The following RIMS2 variants were observed in gnomAD, a reference collection of about 807,000 sequenced individuals.
RIMS2 encodes regulating synaptic membrane exocytosis protein 2.
Under a neutral mutation model 174.4 loss-of-function variants are expected in RIMS2, and 59 were observed. The ratio of observed to expected loss-of-function variants is 0.34; its 90% CI spans 0.27 to 0.42. The LOEUF is 0.42. RIMS2 is among the 10% of genes least tolerant of loss of function. The pLI is 1.00. For synonymous variants in RIMS2, 606 were observed against 572.5 expected (o/e 1.06, Z -0.84); for missense variants, 1,620 against 1,666.3 (o/e 0.97, Z 0.48).
intron 19 of RIMS2, chr8:104,148,646 A>G: frequency 2.5e-6 from 4 of 1,598,244 alleles, no homozygotes; most frequent in Non-Finnish European, 3.4e-6. Flanking sequence ...AAATGGGCAT[A>G]TCAGGGAAGA....
At chr8:104,086,911 C>T (rs976970131) in intron 19 of RIMS2, among the ~76,000 whole-genome samples, 8 of 152,202 alleles carry the variant, frequency 5.3e-5, no homozygotes, top group Non-Finnish European at 8.8e-5. Context: ...ATTCCTAAAC[C>T]CCACAACCAG....
rs141489879 is a variant in RIMS2, at chr8:103,753,670, T to C, written c.388-12557T>C. On this transcript the variant is annotated intron_variant, in intron 2 of 23. Coordinates refer to ENST00000504942, the Ensembl canonical transcript of RIMS2. ...GTTTAGTCTTGGGAGGGTGTATGTG[T>C]CCAGGAATTTATTCATTTCTTCTTG... Among the ~76,000 whole-genome samples the C allele has an allele frequency of 8.2e-3, 1,256 of 152,324 alleles. 20 individuals carry two copies. Among genetic ancestry groups the C allele is most frequent in the African/African-American group, 0.029 (1,203 of 41,578 alleles).
At chr8:104,049,288 G>T (rs1439171993) in intron 19 of RIMS2, among the ~76,000 whole-genome samples, 1 of 152,000 alleles carries the variant, frequency 6.6e-6, no homozygotes, top group Non-Finnish European at 1.5e-5. Context: ...CGGGGTGGGC[G>T]TGTGCCTGTA....
At chr8:103,712,223 A>G (rs980793567) in intron 2 of RIMS2, among the ~76,000 whole-genome samples, 3 of 151,336 alleles carry the variant, frequency 2.0e-5, no homozygotes, top group Non-Finnish European at 4.4e-5. Context: ...TTGCCCAGGA[A>G]ATAGTCCCGA....
chr8:103,755,847 A>T (rs1312602234), intron 2 of RIMS2, among the ~76,000 whole-genome samples: 2 of 152,122 alleles, frequency 1.3e-5, no homozygotes, highest in Middle Eastern at 3.2e-3. Context: ...CAAGGTTCTT[A>T]TCTTCCTTGC....
At chr8:103,814,267 G>A (rs1206541241) in intron 3 of RIMS2, among the ~76,000 whole-genome samples, 6 of 152,006 alleles carry the variant, frequency 3.9e-5, no homozygotes, top group Non-Finnish European at 7.4e-5. Flanking sequence ...GATAGGAGGA[G>A]GGAGAGGTAC....
intron 1 of RIMS2, among the ~76,000 whole-genome samples, chr8:103,612,173 AT>A (rs2095392240): frequency 6.6e-6 from 1 of 152,134 alleles, no homozygotes; most frequent in Admixed American, 6.5e-5. Flanking sequence ...ATCTGATAGA[AT>A]TTTGAATTCC....
chr8:103,926,586 A>G (rs1258792087), intron 10 of RIMS2, among the ~76,000 whole-genome samples: 1 of 151,586 alleles, frequency 6.6e-6, no homozygotes, highest in Non-Finnish European at 1.5e-5. Flanking sequence ...TTCAATGCCA[A>G]CTGAATTGAG....
chr8:103,687,353 A>G (rs1213584239), intron 1 of RIMS2, among the ~76,000 whole-genome samples: 1 of 150,016 alleles, frequency 6.7e-6, no homozygotes, highest in Admixed American at 6.6e-5. Flanking sequence ...CTCGAGGTTT[A>G]TCAATTTTAG....
At chr8:103,639,675 T>G (rs1425537382) in intron 1 of RIMS2, among the ~76,000 whole-genome samples, 1 of 151,972 alleles carries the variant, frequency 6.6e-6, no homozygotes, top group African/African-American at 2.4e-5. Context: ...TTAACCATAG[T>G]TTGTTTATTC....
chr8:104,017,503 AT>A (rs2095951293), intron 19 of RIMS2, among the ~76,000 whole-genome samples: 1 of 152,116 alleles, frequency 6.6e-6, no homozygotes, highest in South Asian at 2.1e-4. Context: ...ACTATAAGGC[AT>A]TATTATTATT....
intron 3 of RIMS2, among the ~76,000 whole-genome samples, chr8:103,789,496 C>G (rs1230646341): frequency 6.6e-6 from 1 of 152,088 alleles, no homozygotes; most frequent in Non-Finnish European, 1.5e-5. Context: ...GCAAAATCAC[C>G]TCACTTTGTC....
chr8:103,631,090 A>G (rs2095907515), intron 1 of RIMS2, among the ~76,000 whole-genome samples: 1 of 152,162 alleles, frequency 6.6e-6, no homozygotes, highest in South Asian at 2.1e-4. Context: ...CTCTGTTGAT[A>G]GTTTCTTTTG....
At chr8:103,749,173 G>A (rs1335663576) in intron 2 of RIMS2, among the ~76,000 whole-genome samples, 4 of 146,790 alleles carry the variant, frequency 2.7e-5, no homozygotes, top group South Asian at 2.2e-4. Context: ...GTGCAGTGGC[G>A]TGATCTCGGC....
chr8:103,633,484 TGGCCTGAAGTTTTC>T (rs1401130649), intron 1 of RIMS2, among the ~76,000 whole-genome samples: 23 of 152,330 alleles, frequency 1.5e-4, no homozygotes, highest in African/African-American at 5.1e-4. Flanking sequence ...TCAACAATTT[TGGCCTGAAGTTTTC>T]TTTTTCTCTT....
At chr8:103,622,090 T>C (rs1416730886) in intron 1 of RIMS2, among the ~76,000 whole-genome samples, 2 of 152,114 alleles carry the variant, frequency 1.3e-5, no homozygotes, top group Non-Finnish European at 2.9e-5. Context: ...TTTCTAACAA[T>C]ATAAAAATTA....
At chr8:104,088,975 T>C (rs535577305) in intron 19 of RIMS2, among the ~76,000 whole-genome samples, 2 of 152,120 alleles carry the variant, frequency 1.3e-5, no homozygotes, top group African/African-American at 4.8e-5. Context: ...TGGAACATCC[T>C]GAAGAATAAT....
At chr8:103,799,432 C>T (rs982265647) in intron 3 of RIMS2, among the ~76,000 whole-genome samples, 1 of 152,128 alleles carries the variant, frequency 6.6e-6, no homozygotes, top group Non-Finnish European at 1.5e-5. Flanking sequence ...CAGTGAACAT[C>T]CTTGTACATG....
In RIMS2 at chr8:104,007,799, A is replaced by G. The variant is rs534463276; in HGVS notation, c.3045-5643A>G. On this transcript the variant is annotated intron_variant, in intron 17 of 23. Coordinates refer to ENST00000504942, the Ensembl canonical transcript of RIMS2. Reference sequence around the variant, plus strand: ...GAGGCAGATAGTATTTATGCTTGAAAATGAGCACAAATTTTGTTCTGTTAG... The same window carrying G: ...GAGGCAGATAGTATTTATGCTTGAAGATGAGCACAAATTTTGTTCTGTTAG... Among the ~76,000 whole-genome samples the G allele has an allele frequency of 3.3e-5, 5 of 152,282 alleles. No homozygotes were observed. The East Asian group carries it at 9.7e-4, about 29-fold the overall frequency.
Sources: allele counts gnomAD v4.1 joint callset (sites outside exome capture counted in the v4.1 genomes callset), GRCh38; gene constraint gnomAD v4.1.1; transcripts MANE v1.5; gene names NCBI Gene and HGNC (gene_info 2026-07-23, HGNC 2026-07-21).